The following KCNH6 variants were observed in gnomAD, a reference collection of about 807,000 sequenced individuals.
KCNH6 encodes the protein potassium voltage-gated channel subfamily H member 6.
KCNH6 carries 81 observed loss-of-function variants against 83.4 expected under a neutral mutation model. The observed-to-expected ratio is 0.97, with a 90% CI of 0.81 to 1.17. The LOEUF is 1.17. KCNH6 is among the 50% of genes most tolerant of loss of function. KCNH6 has a pLI of 0.00. For synonymous variants in KCNH6, 503 were observed against 545.6 expected (o/e 0.92, Z 1.09); for missense variants, 1,203 against 1,290.5 (o/e 0.93, Z 1.04).
chr17:63,529,809 G>T (rs144511639), intron 2 of KCNH6, among the ~76,000 whole-genome samples: 1 of 152,196 alleles, frequency 6.6e-6, no homozygotes, highest in Non-Finnish European at 1.5e-5. Flanking sequence ...AGACCTCGAG[G>T]TTAAGCTCTG....
intron 9 of KCNH6, 49 bp downstream of exon 9, chr17:63,542,483 C>T (rs2032924464): frequency 1.9e-6 from 3 of 1,550,238 alleles, no homozygotes; most frequent in Non-Finnish European, 2.7e-6. Context: ...CCCAGGCAGC[C>T]TGCCTGGCCT....
Position 63,530,422 on chromosome 17 carries a change from G to C in KCNH6, c.555G>C (p.Thr185=), listed in dbSNP as rs1447837455. 6.2e-7 allele frequency: 1 copy of C among 1,614,232 alleles called. No homozygotes were observed. Among genetic ancestry groups the C allele is most frequent in the Non-Finnish European group, 8.5e-7 (1 of 1,180,044 alleles). ...YRTISQIPQF[T]LNFVEFNLEK... ...CCATCAGCCAGATCCCACAGTTCAC[G>C]CTCAACTTCGTGGAGTTCAACTTGG... Residue 185 remains threonine, a synonymous_variant, in exon 4 of 13, where the codon ACG becomes ACC. Coordinates refer to ENST00000314672, the MANE Select transcript of KCNH6 (RefSeq NM_001278919.2).
In KCNH6 at chr17:63,534,660, C is replaced by T. The variant is rs1001164654; in HGVS notation, c.1101+349C>T. Among the ~76,000 whole-genome samples, 5 of 152,116 alleles carry T rather than the reference C, an allele frequency of 3.3e-5. No homozygotes were observed. The highest frequency in any genetic ancestry group is 5.9e-5 in the Non-Finnish European group (4 of 67,996). On this transcript the variant is annotated intron_variant, in intron 5 of 12. Coordinates refer to ENST00000314672, the MANE Select transcript of KCNH6 (RefSeq NM_001278919.2). The surrounding 1 kb of genome is among the most constrained non-coding windows in gnomAD (Gnocchi z 5.0). ...GGAAGAAAGGGATCCCCAGGCCACT[C>T]CCCCAGTGCACCCTGGCTCCCACCT...
chr17:63,535,577 T>C lies in KCNH6; in HGVS notation c.1102-92T>C. The C allele has an allele frequency of 4.2e-6, 5 of 1,203,762 alleles. No individual in the cohort carries two copies. The highest frequency in any genetic ancestry group is 2.9e-5 in the South Asian group (2 of 69,124). The allele number at this position is 1,203,762 out of a possible 1,614,324, so 74.6% of individuals were successfully genotyped here. A position where few individuals can be genotyped will look rare whatever the true frequency, so the allele number is the denominator to read the frequency against. On this transcript the variant is annotated intron_variant, in intron 5 of 12. Transcript: ENST00000314672. The surrounding 1 kb of genome is among the most constrained non-coding windows in gnomAD (Gnocchi z 4.9). ...TCCATAAATGTTTGTTGAATGAGTATGTGGTTGTATGCATGAGTGAACAAA... is the reference window on the plus strand; with the variant it reads ...TCCATAAATGTTTGTTGAATGAGTACGTGGTTGTATGCATGAGTGAACAAA...
rs2032434449 is a variant in KCNH6 at position 63,535,677 on chromosome 17, CCT to C, written c.1111_1112del (p.Leu371AspfsTer24). 1 of 1,603,380 alleles carries C rather than the reference CCT, an allele frequency of 6.2e-7. No individual in the cohort carries two copies. The highest frequency in any genetic ancestry group is 1.7e-5 in the Admixed American group (1 of 59,632). On this transcript the variant is annotated frameshift_variant, in exon 6 of 13. Coordinates refer to ENST00000314672, the MANE Select transcript of KCNH6 (RefSeq NM_001278919.2). LOFTEE classifies it high-confidence loss of function. This position sits in a 1 kb window ranked among gnomAD's most constrained non-coding sequence, Gnocchi z 4.9. ...TTTCCCTACCCCTCCAGACCACAACCCTGATTGGGCTATTGAAGACAGCGCGG... is the reference window on the plus strand; with the variant it reads ...TTTCCCTACCCCTCCAGACCACAACCGATTGGGCTATTGAAGACAGCGCGG... ...FRTGSDETTT[L>X]IGLLKTARLL...
At chr17:63,525,270 G>A (rs1299012992) in intron 2 of KCNH6, among the ~76,000 whole-genome samples, 1 of 152,224 alleles carries the variant, frequency 6.6e-6, no homozygotes, top group Non-Finnish European at 1.5e-5. Flanking sequence ...TTTCATAGAT[G>A]TGGAAGGGAT....
intron 9 of KCNH6, among the ~76,000 whole-genome samples, chr17:63,543,178 C>T (rs2032961919): frequency 6.6e-6 from 1 of 152,214 alleles, no homozygotes. Flanking sequence ...TGGGGGAGGG[C>T]CCTGCTGGCG....
At chr17:63,526,552 C>T (rs2031730304) in intron 2 of KCNH6, among the ~76,000 whole-genome samples, 1 of 151,994 alleles carries the variant, frequency 6.6e-6, no homozygotes, top group Non-Finnish European at 1.5e-5. Context: ...GGATGGGGGT[C>T]TCACTATGTT....
At position 63,538,096 on chromosome 17, in the gene KCNH6, G is replaced by A. The variant is rs777501232; in HGVS notation, c.1533G>A (p.Val511=). 13 of 1,613,788 alleles carry A rather than the reference G, an allele frequency of 8.1e-6. No individual in the cohort carries two copies. Among genetic ancestry groups the A allele is most frequent in the Non-Finnish European group, 1.0e-5 (12 of 1,180,022 alleles). The change falls in exon 7 of 13, where the codon GTG becomes GTA. Residue 511 remains valine, a synonymous_variant. Transcript: ENST00000314672. The surrounding 1 kb of genome is among the most constrained non-coding windows in gnomAD (Gnocchi z 4.0). ...SLMYASIFGN[V]SAIIQRLYSG... Reference sequence around the variant, plus strand: ...TGTACGCCAGCATCTTCGGGAACGTGTCCGCGATCATCCAGCGCCTGTACT... The same window carrying A: ...TGTACGCCAGCATCTTCGGGAACGTATCCGCGATCATCCAGCGCCTGTACT...
In KCNH6 at chr17:63,542,327, G is replaced by A. The variant is rs148146561; in HGVS notation, c.2041G>A (p.Asp681Asn). Residue 681 changes from aspartate (D) to asparagine (N), a missense_variant, in exon 9 of 13, where the codon GAC becomes AAC. Physicochemically the swap from Asp to Asn is conservative, Grantham distance 23. Coordinates refer to ENST00000314672, the MANE Select transcript of KCNH6 (RefSeq NM_001278919.2). ...AGACGTGCGGGCTCTGACCTACTGC[G>A]ACCTGCACAAGATCCAGCGGGCAGA... ...SADVRALTYC[D>N]LHKIQRADLL... The A allele has an allele frequency of 1.1e-4, 175 of 1,614,172 alleles. No individual in the cohort carries two copies. Among genetic ancestry groups the A allele is most frequent in the Middle Eastern group, 6.6e-4 (4 of 6,062 alleles).
At position 63,536,038 on chromosome 17, in the gene KCNH6, GTCT is replaced by G; in HGVS notation, c.1475_1477del (p.Phe492del). On this transcript the variant is annotated inframe_deletion, in exon 6 of 13. Coordinates refer to ENST00000314672, the MANE Select transcript of KCNH6 (RefSeq NM_001278919.2). Reference sequence around the variant, plus strand: ...CTCGCCCAACACCAACTCCGAGAAGGTCTTCTCCATCTGCGTCATGCTCATCGG... The same window carrying G: ...CTCGCCCAACACCAACTCCGAGAAGGTCTCCATCTGCGTCATGCTCATCGG... 4 of 1,613,642 alleles carry G rather than the reference GTCT, an allele frequency of 2.5e-6. No individual in the cohort carries two copies. The highest frequency in any genetic ancestry group is 1.3e-5 in the African/African-American group (1 of 75,060).
intron 8 of KCNH6, among the ~76,000 whole-genome samples, chr17:63,540,290 C>T (rs765586754): frequency 7.2e-5 from 11 of 151,882 alleles, no homozygotes; most frequent in South Asian, 6.2e-4. Context: ...AAAATTAGCC[C>T]GGCATGGTGG....
intron 10 of KCNH6, chr17:63,543,927 G>C: frequency 1.3e-6 from 1 of 746,858 alleles, no homozygotes; most frequent in South Asian, 1.9e-5. Context: ...AGCCCCCTGA[G>C]GTTCCACACC....
At chr17:63,529,999 C>T (rs1300006004) in intron 2 of KCNH6, 92 bp from the exon 3 acceptor site, 1 of 1,408,910 alleles carries the variant, frequency 7.1e-7, no homozygotes, top group African/African-American at 1.4e-5. Context: ...CTGCCCTTCA[C>T]TTGACCTTCA....
intron 2 of KCNH6, among the ~76,000 whole-genome samples, chr17:63,527,561 C>T (rs1471294053): frequency 6.6e-6 from 1 of 152,076 alleles, no homozygotes; most frequent in Non-Finnish European, 1.5e-5. Flanking sequence ...ATGGGAATTC[C>T]CAGGGGGCAG....
intron 1 of KCNH6, 133 bp from the exon 2 acceptor site, chr17:63,524,006 C>T: frequency 1.4e-6 from 1 of 722,062 alleles, no homozygotes; most frequent in South Asian, 1.6e-5. Context: ...CTGACTCCCT[C>T]CCTCATTCCG....
At chr17:63,548,912 G>C (rs921181583), downstream of KCNH6, 1 of 151,870 alleles carries the variant, frequency 6.6e-6, no homozygotes, top group Non-Finnish European at 1.5e-5. Context: ...AGTGAGCCGA[G>C]ATAGTGCCAC....
At chr17:63,543,133 G>A (rs1367979226) in intron 9 of KCNH6, among the ~76,000 whole-genome samples, 1 of 152,196 alleles carries the variant, frequency 6.6e-6, no homozygotes, top group Non-Finnish European at 1.5e-5. Flanking sequence ...ACAGAGCCCG[G>A]GCTATTTCTT....
rs774785318 is a variant in KCNH6 at position 63,545,194 on chromosome 17, T to G, written c.2513T>G (p.Leu838Trp). 1 of 1,613,820 alleles carries G rather than the reference T, an allele frequency of 6.2e-7. No homozygotes were observed. The highest frequency in any genetic ancestry group is 8.5e-7 in the Non-Finnish European group (1 of 1,180,028). Residue 838 changes from leucine (L) to tryptophan (W), a missense_variant, in exon 12 of 13, where the codon TTG becomes TGG. Transcript: ENST00000314672. ...GCCCCTGCCTCCAATGACCTGGCCT[T>G]GGTTCCTATAGCCTCGGAGACGACG... ...LEAPASNDLALVPIASETTSP... is the reference protein window; with the variant it reads ...LEAPASNDLAWVPIASETTSP...
Sources: allele counts gnomAD v4.1 joint callset (sites outside exome capture counted in the v4.1 genomes callset), GRCh38; gene constraint gnomAD v4.1.1; non-coding constraint Gnocchi (gnomAD v3.1); transcripts MANE v1.5; gene names NCBI Gene and HGNC (gene_info 2026-07-23, HGNC 2026-07-21).